TSR1: variants seen among roughly 807,000 people sequenced by gnomAD.
TSR1 encodes the protein pre-rRNA-processing protein TSR1 homolog.
TSR1 carries 81 observed loss-of-function variants against 90.9 expected under a neutral mutation model. The observed-to-expected ratio is 0.89, with a 90% confidence interval of 0.74 to 1.07. TSR1 has a LOEUF of 1.07. TSR1 is among the 50% of genes least tolerant of loss of function. The probability of loss-of-function intolerance (pLI) is 0.00; values close to 1 mark genes in which losing one functional copy is unlikely to be tolerated. For missense variants in TSR1, 989 were observed against 987.3 expected, an observed-to-expected ratio of 1.00 and a Z score of -0.02; for synonymous variants, 362 against 348.8, an observed-to-expected ratio of 1.04 and a Z score of -0.42.
intron 11 of TSR1, among the ~76,000 whole-genome samples, chr17:2,325,642 C>T (rs2075572256): frequency 2.0e-5 from 3 of 150,080 alleles, no homozygotes; most frequent in South Asian, 2.1e-4. Flanking sequence ...GTTTGAGTAT[C>T]GTTCCTGTCA....
chr17:2,330,907 A>G, intron 9 of TSR1, 40 bp downstream of exon 9: 1 of 1,539,718 alleles, frequency 6.5e-7, no homozygotes, highest in Non-Finnish European at 8.7e-7. Context: ...CATGTTGACA[A>G]ATGAAAGCAA....
intron 11 of TSR1, 86 bp downstream of exon 11, chr17:2,329,257 G>A (rs761151085): frequency 6.3e-7 from 1 of 1,589,006 alleles, no homozygotes. Flanking sequence ...GTAAGATTTT[G>A]AAACCATATA....
In TSR1 at chr17:2,335,714, C is replaced by G. The variant is rs765142263; in HGVS notation, c.218G>C (p.Arg73Thr). The change falls in exon 3 of 15, where the codon AGA becomes ACA. Residue 73 changes from arginine to threonine, a missense_variant. Transcript: ENST00000301364. Reference sequence around the variant, plus strand: ...AGGGCCATCCTTGCCACCCAGCTGTCTCTTCTCTGCCAGAACCTGAAAATA... The same window carrying G: ...AGGGCCATCCTTGCCACCCAGCTGTGTCTTCTCTGCCAGAACCTGAAAATA... ...QKKEAVLAEK[R>T]QLGGKDGPPH... 4 of 1,613,152 alleles carry G rather than the reference C, an allele frequency of 2.5e-6. No individual in the cohort carries two copies. Among genetic ancestry groups the G allele is most frequent in the South Asian group, 1.1e-5 (1 of 91,036 alleles).
At position 2,325,340 on chromosome 17, in the gene TSR1, G is replaced by C; in HGVS notation, c.1984C>G (p.Pro662Ala). 1.9e-6 allele frequency: 3 copies of C among 1,613,468 alleles called. No individual in the cohort carries two copies. Among genetic ancestry groups the C allele is most frequent in the Non-Finnish European group, 2.5e-6 (3 of 1,179,914 alleles). ...TGCTTGAAAAGCAGCACAGATGCAG[G>C]AGGAAAAGTGATTGGCGCATAGACT... ...ATVYAPITFP[P>A]ASVLLFKQKS... Residue 662 changes from proline to alanine, a missense_variant, in exon 12 of 15, where the codon CCT becomes GCT. By Grantham distance (27) the Pro-to-Ala change is conservative. Coordinates refer to ENST00000301364, the MANE Select transcript of TSR1 (RefSeq NM_018128.5).
At chr17:2,328,241 C>CA (rs34888941) in intron 11 of TSR1, among the ~76,000 whole-genome samples, 2,328 of 72,224 alleles carry the variant, frequency 0.032, 46 homozygotes, top group Non-Finnish European at 0.045. Flanking sequence ...GACTCGGTCT[C>CA]AAAAAAAAAA....
In TSR1 at chr17:2,322,885, C is replaced by T; in HGVS notation, c.*1311G>A. The T allele has an allele frequency of 2.3e-6, 1 of 440,900 alleles. No individual in the cohort carries two copies. Among genetic ancestry groups the T allele is most frequent in the Non-Finnish European group, 4.2e-6 (1 of 237,612 alleles). The allele number at this position is 440,900 out of a possible 1,614,324, so 27.3% of individuals were successfully genotyped here. On this transcript the variant is annotated 3_prime_UTR_variant, in exon 15 of 15. Transcript: ENST00000301364. ...GTTCAAGTGATTCTCCTACCTCAGCCTCTTGAGTAGCTGGGATTACAGGGG... is the reference window on the plus strand; with the variant it reads ...GTTCAAGTGATTCTCCTACCTCAGCTTCTTGAGTAGCTGGGATTACAGGGG...
intron 12 of TSR1, 105 bp from the exon 13 acceptor site, chr17:2,324,934 C>G: frequency 7.7e-7 from 1 of 1,304,954 alleles, no homozygotes; most frequent in Non-Finnish European, 1.0e-6. Flanking sequence ...TTTGTCATCC[C>G]TGCCCTAGCC....
chr17:2,323,431 C>A lies in TSR1; in HGVS notation c.*765G>T. On this transcript the variant is annotated 3_prime_UTR_variant, in exon 15 of 15. Transcript: ENST00000301364. ...CTTCCCTTAGGAGTAGCAAGTGACC[C>A]ACGGGAACCTGACTAGGTAACTTCA... 6.7e-7 allele frequency: 1 copy of A among 1,482,946 alleles called. No individual in the cohort carries two copies. Among genetic ancestry groups the A allele is most frequent in the Non-Finnish European group, 9.3e-7 (1 of 1,071,320 alleles). The allele number at this position is 1,482,946 out of a possible 1,614,324, so 91.9% of individuals were successfully genotyped here.
Position 2,323,459 on chromosome 17 carries a change from A to G in TSR1, c.*737T>C. 1 of 1,277,100 alleles carries G rather than the reference A, an allele frequency of 7.8e-7. No individual in the cohort carries two copies. Among genetic ancestry groups the G allele is most frequent in the Non-Finnish European group, 1.1e-6 (1 of 902,650 alleles). 79.1% of individuals were successfully genotyped at this position (1,277,100 alleles called of 1,614,324 possible). A position where few individuals can be genotyped will look rare whatever the true frequency, so the allele number is the denominator to read the frequency against. ...GGGAACCTGACTAGGTAACTTCATG[A>G]CATGGGAGGGTACCCTAGATGTATT... On this transcript the variant is annotated 3_prime_UTR_variant, in exon 15 of 15. Transcript: ENST00000301364.
At chr17:2,324,483 T>C in intron 14 of TSR1, 21 bp downstream of exon 14, 1 of 1,614,194 alleles carries the variant, frequency 6.2e-7, no homozygotes, top group South Asian at 1.1e-5. Flanking sequence ...AGACATGGTC[T>C]CAAATCCCGT....
At chr17:2,330,722 T>G in intron 9 of TSR1, 97 bp from the exon 10 acceptor site, 1 of 1,333,734 alleles carries the variant, frequency 7.5e-7, no homozygotes, top group Non-Finnish European at 1.0e-6. Flanking sequence ...TCAGATAAAA[T>G]TTTTAAAGCC....
intron 5 of TSR1, 138 bp downstream of exon 5, chr17:2,334,334 T>A: frequency 1.1e-6 from 1 of 907,012 alleles, no homozygotes; most frequent in Non-Finnish European, 1.7e-6. Context: ...TTTATCAACC[T>A]ATTTATAACT....
Position 2,331,111 on chromosome 17 carries a change from T to G in TSR1, c.1497-2A>C. The G allele has an allele frequency of 6.4e-7, 1 of 1,571,570 alleles. No homozygotes were observed. On this transcript the variant is annotated splice_acceptor_variant, in intron 8 of 14. Coordinates refer to ENST00000301364, the MANE Select transcript of TSR1 (RefSeq NM_018128.5). LOFTEE classifies it high-confidence loss of function. Reference sequence around the variant, plus strand: ...TTAAGGCCTCTGTATTTCTGAAATCTAGAATATTGAAGATTTTTAAAGACA... The same window carrying G: ...TTAAGGCCTCTGTATTTCTGAAATCGAGAATATTGAAGATTTTTAAAGACA...
In TSR1 at chr17:2,335,700, T is replaced by G. The variant is rs1166058321; in HGVS notation, c.232A>C (p.Lys78Gln). The change falls in exon 3 of 15, where the codon AAG (lysine) becomes CAG (glutamine). Residue 78 changes from lysine (K) to glutamine (Q), a missense_variant. Transcript: ENST00000301364. ...AGTACCTGATGAGGAGGGCCATCCT[T>G]GCCACCCAGCTGTCTCTTCTCTGCC... Reference protein sequence around the residue: ...VLAEKRQLGGKDGPPHQVLVV... With the variant: ...VLAEKRQLGGQDGPPHQVLVV... 1 of 1,613,580 alleles carries G rather than the reference T, an allele frequency of 6.2e-7. No individual in the cohort carries two copies. The highest frequency in any genetic ancestry group is 1.1e-5 in the South Asian group (1 of 91,058).
intron 11 of TSR1, among the ~76,000 whole-genome samples, 155 bp from the exon 12 acceptor site, chr17:2,325,575 C>A (rs182394902): frequency 8.9e-4 from 136 of 152,218 alleles, no homozygotes; most frequent in African/African-American, 3.1e-3. Context: ...TGCCTCAATG[C>A]ACCTAAAAGA....
chr17:2,327,800 A>C (rs765938328), intron 11 of TSR1, among the ~76,000 whole-genome samples: 7 of 152,154 alleles, frequency 4.6e-5, no homozygotes, highest in Non-Finnish European at 7.4e-5. Context: ...TTGTGTAAAG[A>C]AAAAAAATGA....
In TSR1 at chr17:2,334,745, C is replaced by A. The variant is rs1453500307; in HGVS notation, c.708G>T (p.Leu236Phe). ...QQEAGMLLRQ[L>F]ANQKQQHLAF... ...CAAGATGCTGTTGCTTCTGGTTAGC[C>A]AACTGCCTAAGCAGCATCCCTGCCT... Residue 236 changes from leucine (L) to phenylalanine (F), a missense_variant, in exon 5 of 15, where the codon TTG (leucine) becomes TTT (phenylalanine). Coordinates refer to ENST00000301364, the MANE Select transcript of TSR1 (RefSeq NM_018128.5). 2 of 1,614,166 alleles carry A rather than the reference C, an allele frequency of 1.2e-6. No homozygotes were observed. The highest frequency in any genetic ancestry group is 1.1e-5 in the South Asian group (1 of 91,088).
Position 2,336,079 on chromosome 17 carries a change from C to G in TSR1, c.159G>C (p.Gln53His). ...KVRKELSRVD[Q>H]RHRASQLRKQ... Reference sequence around the variant, plus strand: ...TTCGGAGCTGGCTGGCGCGATGCCTCTGGTCGACTCTGCTGAGTTCTTTTC... The same window carrying G: ...TTCGGAGCTGGCTGGCGCGATGCCTGTGGTCGACTCTGCTGAGTTCTTTTC... Residue 53 changes from glutamine to histidine, a missense_variant, in exon 2 of 15, where the codon CAG becomes CAC. By Grantham distance (24) the Gln-to-His change is conservative. Transcript: ENST00000301364. The G allele has an allele frequency of 6.2e-7, 1 of 1,614,240 alleles. No individual in the cohort carries two copies. Among genetic ancestry groups the G allele is most frequent in the Non-Finnish European group, 8.5e-7 (1 of 1,180,038 alleles).
In TSR1 at chr17:2,336,163, C is replaced by T. The variant is rs919765518; in HGVS notation, c.98-23G>A. On this transcript the variant is annotated intron_variant, in intron 1 of 14. Coordinates refer to ENST00000301364, the MANE Select transcript of TSR1 (RefSeq NM_018128.5). ...GGCCTGAATGGCAGATTAGAAGGGG[C>T]TGGTGTGATCGGCCCCACAAGGTCA... is the stretch of plus-strand genomic sequence containing the variant. The T allele has an allele frequency of 1.9e-6, 3 of 1,611,770 alleles. No individual in the cohort carries two copies. In the African/African-American group the frequency reaches 4.0e-5, roughly 22 times the overall value.
Sources: allele counts gnomAD v4.1 joint callset (sites outside exome capture counted in the v4.1 genomes callset), GRCh38; gene constraint gnomAD v4.1.1; transcripts MANE v1.5; gene names NCBI Gene and HGNC (gene_info 2026-07-23, HGNC 2026-07-21).